Variants in PTPRD observed in about 807,000 individuals in gnomAD.
The protein encoded by PTPRD is protein tyrosine phosphatase receptor type D, also known as receptor-type tyrosine-protein phosphatase delta.
In PTPRD, 34 loss-of-function variants were observed where a neutral mutation model predicts 214.5. The ratio of observed to expected loss-of-function variants is 0.16; its 90% CI spans 0.12 to 0.21. The LOEUF (loss-of-function observed/expected upper bound fraction) is 0.21. Among genes scored for constraint, PTPRD ranks in the 10% least tolerant of loss-of-function variants. PTPRD has a pLI of 1.00. For missense variants in PTPRD, 2,545 were observed against 2,398.7 expected (o/e 1.06, Z -1.27); for synonymous variants, 1,128 against 845.7 (o/e 1.33, Z -5.79).
At chr9:9,175,498 C>A (rs1402657759) in intron 10 of PTPRD, among the ~76,000 whole-genome samples, 1 of 151,572 alleles carries the variant, frequency 6.6e-6, no homozygotes, top group African/African-American at 2.4e-5. Context: ...TGGTGGGTGC[C>A]TGTAATCCCA....
chr9:10,171,691 AT>A (rs1026674069), intron 3 of PTPRD, among the ~76,000 whole-genome samples: 1 of 151,848 alleles, frequency 6.6e-6, no homozygotes, highest in African/African-American at 2.4e-5. Flanking sequence ...CGCCCGGCTA[AT>A]TTTTGTATTT....
chr9:9,848,016 T>TA (rs2059867692), intron 5 of PTPRD, among the ~76,000 whole-genome samples: 2 of 152,102 alleles, frequency 1.3e-5, no homozygotes, highest in African/African-American at 4.8e-5. Flanking sequence ...ACAAGCAGCA[T>TA]TGAAGACTTT....
intron 3 of PTPRD, among the ~76,000 whole-genome samples, chr9:10,127,798 C>T (rs1420483518): frequency 6.6e-6 from 1 of 152,106 alleles, no homozygotes; most frequent in Non-Finnish European, 1.5e-5. Context: ...TCCAGTTCCT[C>T]TCTTTCTAAC....
At chr9:10,125,690 G>A (rs908692072) in intron 3 of PTPRD, among the ~76,000 whole-genome samples, 1 of 150,772 alleles carries the variant, frequency 6.6e-6, no homozygotes, top group African/African-American at 2.4e-5. Flanking sequence ...CACCATGTTG[G>A]TCAGGCTGGT....
intron 11 of PTPRD, among the ~76,000 whole-genome samples, chr9:8,748,528 AAAAAAAAAAAAAGAAAAAG>A (rs1360121404): frequency 9.9e-4 from 141 of 142,016 alleles, no homozygotes; most frequent in African/African-American, 3.7e-3. Flanking sequence ...ACTGCAAAAA[AAAAAAAAAAAAAGAAAAAG>A]AAAAAGAAAA....
intron 11 of PTPRD, among the ~76,000 whole-genome samples, chr9:8,886,248 G>A (rs1418406430): frequency 6.6e-6 from 1 of 152,136 alleles, no homozygotes; most frequent in Non-Finnish European, 1.5e-5. Flanking sequence ...TATAGACACA[G>A]GGATAACTAC....
chr9:8,404,510 G>T lies in PTPRD; in HGVS notation c.4210+27C>A, dbSNP rs376085339. ...CATACTCAAATCCATGAAAATAAAG[G>T]TATCAGTGATGTCTGCATTTCCTTA... On this transcript the variant is annotated intron_variant, in intron 36 of 45. Transcript: ENST00000381196. 5.9e-5 allele frequency: 94 copies of T among 1,596,826 alleles called. No homozygotes were observed. In the Middle Eastern group the frequency reaches 1.2e-3, roughly 20 times the overall value.
intron 4 of PTPRD, among the ~76,000 whole-genome samples, chr9:9,955,113 G>A (rs1233574104): frequency 1.3e-5 from 2 of 152,118 alleles, no homozygotes; most frequent in East Asian, 1.9e-4. Flanking sequence ...CATATAGTAG[G>A]CATAGAAAGC....
At chr9:10,051,956 T>C (rs2097543353) in intron 3 of PTPRD, among the ~76,000 whole-genome samples, 1 of 152,146 alleles carries the variant, frequency 6.6e-6, no homozygotes, top group Non-Finnish European at 1.5e-5. Context: ...TTTTTGTTTT[T>C]GTTTTTGAGA....
At chr9:9,651,836 T>TTG (rs1009898601) in intron 7 of PTPRD, among the ~76,000 whole-genome samples, 16 of 131,094 alleles carry the variant, frequency 1.2e-4, no homozygotes, top group South Asian at 5.6e-4. Flanking sequence ...GTTTTTTTTT[T>TTG]TTTTTTTTTT....
intron 5 of PTPRD, chr9:9,799,616 A>C (rs2099025730): frequency 6.6e-6 from 1 of 152,212 alleles, no homozygotes. Flanking sequence ...AAGGTAAAGC[A>C]TACATTTGCT....
At chr9:10,476,432 G>C (rs922668830) in intron 2 of PTPRD, among the ~76,000 whole-genome samples, 1 of 152,052 alleles carries the variant, frequency 6.6e-6, no homozygotes, top group Non-Finnish European at 1.5e-5. Flanking sequence ...ACTTACAAGG[G>C]ACATGAAGGA....
chr9:8,856,380 G>A (rs1019759800), intron 11 of PTPRD, among the ~76,000 whole-genome samples: 3 of 152,106 alleles, frequency 2.0e-5, no homozygotes, highest in African/African-American at 7.2e-5. Flanking sequence ...CTACAGGATG[G>A]TTAGAAAAGA....
intron 10 of PTPRD, among the ~76,000 whole-genome samples, chr9:9,078,544 G>A (rs1177526808): frequency 6.6e-6 from 1 of 152,046 alleles, no homozygotes; most frequent in African/African-American, 2.4e-5. Flanking sequence ...GAAATACTTG[G>A]CTCATGTTCC....
chr9:9,487,208 C>A (rs1043419441), intron 8 of PTPRD, among the ~76,000 whole-genome samples: 1 of 151,898 alleles, frequency 6.6e-6, no homozygotes, highest in African/African-American at 2.4e-5. Context: ...TATCCCTCCC[C>A]CTTCCCCCCA....
intron 11 of PTPRD, among the ~76,000 whole-genome samples, chr9:8,853,819 CTT>C (rs2097862234): frequency 6.6e-6 from 1 of 152,150 alleles, no homozygotes; most frequent in African/African-American, 2.4e-5. Context: ...TAAGCTGCCT[CTT>C]TGCCATCACA....
intron 7 of PTPRD, among the ~76,000 whole-genome samples, chr9:9,579,099 T>C (rs139886527): frequency 1.3e-5 from 2 of 152,266 alleles, no homozygotes; most frequent in Non-Finnish European, 2.9e-5. Context: ...TTAATCATTG[T>C]ACGGCATTCT....
At chr9:10,168,492 C>G (rs2099173873) in intron 3 of PTPRD, among the ~76,000 whole-genome samples, 1 of 152,164 alleles carries the variant, frequency 6.6e-6, no homozygotes, top group Non-Finnish European at 1.5e-5. Flanking sequence ...GGCTCTTATT[C>G]CTAACATTTG....
intron 10 of PTPRD, among the ~76,000 whole-genome samples, 159 bp from the exon 11 acceptor site, chr9:9,018,894 T>A (rs1389026988): frequency 1.3e-5 from 2 of 152,176 alleles, no homozygotes; most frequent in East Asian, 3.8e-4. Flanking sequence ...CCTTTCACAC[T>A]TATTGTTGTA....
Sources: gnomAD v4.1 joint callset for allele counts (sites outside exome capture counted in the v4.1 genomes callset) on GRCh38, gnomAD v4.1.1 for gene constraint, MANE v1.5 for transcripts, NCBI Gene and HGNC (gene_info 2026-07-23, HGNC 2026-07-21) for gene names.